The following OPA1 variants were observed in gnomAD, a reference collection of about 807,000 sequenced individuals.
The protein encoded by OPA1 is OPA1 mitochondrial dynamin like GTPase.
In OPA1, 59 loss-of-function variants were observed where a neutral mutation model predicts 152.9. That is an observed-to-expected ratio of 0.39 (90% CI 0.31 to 0.48). OPA1 has a LOEUF of 0.48. Ranked by LOEUF, OPA1 falls within the 20% of genes least tolerant of loss-of-function variation. OPA1 has a pLI of 0.96. For synonymous variants in OPA1, 400 were observed against 389.9 expected, an observed-to-expected ratio of 1.03 and a Z score of -0.31; for missense variants, 1,008 against 1,216.8, an observed-to-expected ratio of 0.83 and a Z score of 2.55.
At chr3:193,687,658 G>GT (rs1333365336) in intron 29 of OPA1, among the ~76,000 whole-genome samples, 1 of 152,194 alleles carries the variant, frequency 6.6e-6, no homozygotes, top group African/African-American at 2.4e-5. Context: ...AAAGTAGGGA[G>GT]TTTTTGTTGC....
intron 16 of OPA1, among the ~76,000 whole-genome samples, chr3:193,645,254 T>C (rs112999377): frequency 2.6e-5 from 4 of 152,320 alleles, no homozygotes; most frequent in African/African-American, 9.6e-5. Flanking sequence ...AGTTGTTTAC[T>C]TAAGGTCGCA....
At chr3:193,655,937 T>C (rs1012505041) in intron 22 of OPA1, among the ~76,000 whole-genome samples, 6 of 152,198 alleles carry the variant, frequency 3.9e-5, no homozygotes, top group African/African-American at 1.2e-4. Flanking sequence ...GGATGTGATT[T>C]CACCCCTTTC....
In OPA1 at chr3:193,593,208, A is replaced by C. The variant is rs1042723685; in HGVS notation, c.-170A>C. Reference sequence around the variant, plus strand: ...GACGGACTGAGTACGGGTGCCTGTCAGGCTCTTGCGGAAGTCCATGCGCCA... The same window carrying C: ...GACGGACTGAGTACGGGTGCCTGTCCGGCTCTTGCGGAAGTCCATGCGCCA... On this transcript the variant is annotated 5_prime_UTR_variant, in exon 1 of 31. Coordinates refer to ENST00000361510, the MANE Select transcript of OPA1 (RefSeq NM_130837.3). 1 of 572,006 alleles carries C rather than the reference A, an allele frequency of 1.7e-6. No individual in the cohort carries two copies. Among genetic ancestry groups the C allele is most frequent in the Non-Finnish European group, 3.1e-6 (1 of 327,812 alleles). The allele number at this position is 572,006 out of a possible 1,614,324, so 35.4% of individuals were successfully genotyped here. A position where few individuals can be genotyped will look rare whatever the true frequency, so the allele number is the denominator to read the frequency against.
intron 22 of OPA1, among the ~76,000 whole-genome samples, chr3:193,656,310 TACTC>T (rs1310915030): frequency 6.6e-6 from 1 of 152,198 alleles, no homozygotes; most frequent in East Asian, 1.9e-4. Flanking sequence ...TGGATCTTAA[TACTC>T]ACCCCACCAC....
At chr3:193,682,756 A>G (rs1221543458) in intron 29 of OPA1, among the ~76,000 whole-genome samples, 2 of 152,178 alleles carry the variant, frequency 1.3e-5, no homozygotes, top group Non-Finnish European at 1.5e-5. Flanking sequence ...ACCTGCTCAG[A>G]AAAGTTTTCT....
At chr3:193,617,902 C>T in intron 5 of OPA1, 65 bp downstream of exon 5, 1 of 1,193,650 alleles carries the variant, frequency 8.4e-7, no homozygotes, top group Non-Finnish European at 1.2e-6. Context: ...AAACTAGTTG[C>T]AAATAAAATT....
In OPA1 at chr3:193,692,630, T is replaced by C. The variant is rs185420880; in HGVS notation, c.*5+498T>C. Among the ~76,000 whole-genome samples, 202 of 152,374 alleles carry C rather than the reference T, an allele frequency of 1.3e-3. 1 individual carries two copies. Among genetic ancestry groups the C allele is most frequent in the Middle Eastern group, 3.4e-3 (1 of 294 alleles). ...TAATTTATATAGCCTTAGAATTTAG[T>C]ACTCCTTGAATTTACTTTCTTGTCT... On this transcript the variant is annotated intron_variant, in intron 30 of 30. Coordinates refer to ENST00000361510, the MANE Select transcript of OPA1 (RefSeq NM_130837.3).
chr3:193,600,679 G>A (rs574841052), intron 1 of OPA1, among the ~76,000 whole-genome samples: 1 of 152,272 alleles, frequency 6.6e-6, no homozygotes, highest in African/African-American at 2.4e-5. Context: ...AAAGTAGCTT[G>A]ACTTAAAGAG....
intron 23 of OPA1, among the ~76,000 whole-genome samples, chr3:193,658,246 C>CAAAA (rs10544016): frequency 2.1e-5 from 2 of 96,558 alleles, no homozygotes; most frequent in Non-Finnish European, 4.4e-5. Flanking sequence ...ACTCCGTTTT[C>CAAAA]AAAAAAAAAA....
chr3:193,685,542 C>T (rs554915408), intron 29 of OPA1, among the ~76,000 whole-genome samples: 3 of 152,104 alleles, frequency 2.0e-5, no homozygotes, highest in Admixed American at 2.0e-4. Flanking sequence ...ACATAGCAAG[C>T]AGTGCTATGC....
intron 6 of OPA1, 53 bp from the exon 7 acceptor site, chr3:193,626,039 A>T (rs1577194305): frequency 1.5e-6 from 2 of 1,363,242 alleles, no homozygotes; most frequent in Non-Finnish European, 2.1e-6. Flanking sequence ...CCCTTGGTTT[A>T]ACATTATTCT....
At chr3:193,617,935 C>T in intron 5 of OPA1, 98 bp downstream of exon 5, 1 of 809,238 alleles carries the variant, frequency 1.2e-6, no homozygotes, top group African/African-American at 1.7e-5. Context: ...TATAATGCTG[C>T]TTATGCTGAA....
intron 6 of OPA1, among the ~76,000 whole-genome samples, chr3:193,625,625 G>T (rs1730981284): frequency 6.6e-6 from 1 of 151,480 alleles, no homozygotes; most frequent in African/African-American, 2.4e-5. Flanking sequence ...CTGTTCCTAG[G>T]GACCTTTACT....
intron 1 of OPA1, among the ~76,000 whole-genome samples, chr3:193,596,287 C>T (rs1219052461): frequency 1.1e-5 from 1 of 91,548 alleles, no homozygotes; most frequent in Non-Finnish European, 2.5e-5. Context: ...TAATATTGGC[C>T]ATCGCAACTT....
intron 30 of OPA1, among the ~76,000 whole-genome samples, chr3:193,694,042 G>A (rs937045935): frequency 1.3e-5 from 2 of 152,098 alleles, no homozygotes; most frequent in Non-Finnish European, 2.9e-5. Context: ...TTTACATAAT[G>A]GTGTCTCTCC....
intron 29 of OPA1, among the ~76,000 whole-genome samples, chr3:193,684,612 G>A (rs191441662): frequency 4.9e-4 from 75 of 151,894 alleles, no homozygotes; most frequent in Non-Finnish European, 9.0e-4. Context: ...CACTACGCCC[G>A]GCTAATTTTT....
chr3:193,688,760 T>C (rs943735102), intron 29 of OPA1, among the ~76,000 whole-genome samples: 1 of 151,976 alleles, frequency 6.6e-6, no homozygotes, highest in African/African-American at 2.4e-5. Flanking sequence ...TGGGGAGGAT[T>C]GCTTGAGGCC....
chr3:193,617,975 A>G (rs1054218168), intron 5 of OPA1, 138 bp downstream of exon 5: 5 of 683,604 alleles, frequency 7.3e-6, no homozygotes, highest in Non-Finnish European at 1.3e-5. Context: ...TATTAGGCAA[A>G]CTCATTATCC....
chr3:193,600,205 C>T (rs1726254988), intron 1 of OPA1, among the ~76,000 whole-genome samples: 1 of 152,130 alleles, frequency 6.6e-6, no homozygotes, highest in Admixed American at 6.5e-5. Flanking sequence ...AGAGATTGAC[C>T]AAAACTTTAG....
Sources: allele counts gnomAD v4.1 joint callset (sites outside exome capture counted in the v4.1 genomes callset), GRCh38; gene constraint gnomAD v4.1.1; transcripts MANE v1.5; gene names NCBI Gene and HGNC (gene_info 2026-07-23, HGNC 2026-07-21).